MGAT5: variants seen among roughly 807,000 people sequenced by gnomAD.
MGAT5 encodes the protein alpha-1,6-mannosylglycoprotein 6-beta-N-acetylglucosaminyltransferase, also known as alpha-1,6-mannosylglycoprotein 6-beta-N-acetylglucosaminyltransferase A.
MGAT5 carries 30 observed loss-of-function variants against 94.3 expected under a neutral mutation model. That is an observed-to-expected ratio of 0.32 (90% confidence interval 0.24 to 0.43). MGAT5 has a LOEUF of 0.43. Ranked by LOEUF, MGAT5 falls within the 20% of genes least tolerant of loss-of-function variation. The pLI, the probability that MGAT5 is intolerant of heterozygous loss-of-function variation, is 1.00. For missense variants in MGAT5, 691 were observed against 905.5 expected (o/e 0.76, Z 3.04); for synonymous variants, 310 against 322.9 (o/e 0.96, Z 0.43).
chr2:134,380,589 G>T (rs551475721), intron 10 of MGAT5, among the ~76,000 whole-genome samples: 6 of 152,320 alleles, frequency 3.9e-5, no homozygotes, highest in South Asian at 2.1e-4. Context: ...TACCCGGCAG[G>T]TTCACTGTGA....
intron 13 of MGAT5, among the ~76,000 whole-genome samples, chr2:134,424,048 C>T (rs1372764156): frequency 6.6e-6 from 1 of 152,164 alleles, no homozygotes; most frequent in Non-Finnish European, 1.5e-5. Context: ...TGCAAACGCT[C>T]CAGGAGCGGA....
chr2:134,246,167 T>TA (rs11378452), intron 1 of MGAT5, among the ~76,000 whole-genome samples: 38,704 of 130,460 alleles, frequency 0.3, 8,208 homozygotes, highest in African/African-American at 0.59. Flanking sequence ...TTCCTGTTTA[T>TA]AAAAAAAAAA....
In MGAT5 at chr2:134,254,570, G is replaced by T. The variant is rs758987140; in HGVS notation, c.167G>T (p.Arg56Met). 2 of 1,614,084 alleles carry T rather than the reference G, an allele frequency of 1.2e-6. No homozygotes were observed. The highest frequency in any genetic ancestry group is 2.7e-5 in the African/African-American group (2 of 74,930). Residue 56 changes from arginine (R) to methionine (M), a missense_variant, in exon 1 of 16, where the codon AGG becomes ATG. Arg to Met is a moderately conservative substitution (Grantham distance 91, BLOSUM62 -1). Around this residue, in one of 4 missense-constraint regions of MGAT5, gnomAD observed 307 missense variants for 335.4 expected, o/e 0.92. Coordinates refer to ENST00000281923, the MANE Select transcript of MGAT5 (RefSeq NM_002410.5). ...LREQILDLSK[R>M]YIKALAEENR... ...GAGCAGATCCTGGACCTCAGCAAAA[G>T]GTACATCAAGGCACTGGCAGAAGAA...
At chr2:134,202,171 C>T (rs1264155304) in intron 1 of MGAT5, among the ~76,000 whole-genome samples, 1 of 152,178 alleles carries the variant, frequency 6.6e-6, no homozygotes, top group Non-Finnish European at 1.5e-5. Context: ...TGTTCAGCTT[C>T]TCTGTCTTTT....
intron 15 of MGAT5, among the ~76,000 whole-genome samples, chr2:134,445,279 G>A (rs1685707474): frequency 6.6e-6 from 1 of 152,090 alleles, no homozygotes; most frequent in Admixed American, 6.5e-5. Context: ...CAGGGACTCT[G>A]GCAAGACCCT....
intron 11 of MGAT5, among the ~76,000 whole-genome samples, chr2:134,405,263 A>G (rs1432239848): frequency 1.3e-5 from 2 of 152,250 alleles, no homozygotes; most frequent in African/African-American, 4.8e-5. Context: ...GTTAAAGAGC[A>G]CGAGGGGTGT....
chr2:134,225,315 C>T (rs939924061), intron 1 of MGAT5, among the ~76,000 whole-genome samples: 1 of 152,098 alleles, frequency 6.6e-6, no homozygotes, highest in Non-Finnish European at 1.5e-5. Context: ...GTTAGAAATG[C>T]AGTCTCCTTA....
At chr2:134,203,588 G>A (rs960895767) in intron 1 of MGAT5, among the ~76,000 whole-genome samples, 6 of 152,072 alleles carry the variant, frequency 3.9e-5, no homozygotes, top group Non-Finnish European at 8.8e-5. Context: ...AGGCTGAATG[G>A]AAGAGAGGAC....
chr2:134,354,565 A>G (rs1250302024), intron 9 of MGAT5, among the ~76,000 whole-genome samples: 1 of 152,074 alleles, frequency 6.6e-6, no homozygotes, highest in African/African-American at 2.4e-5. Flanking sequence ...CTCGTTTCCT[A>G]AGTTGGTGGG....
In MGAT5 at chr2:134,433,057, A is replaced by G. The variant is rs561504012; in HGVS notation, c.1869+4618A>G. The stretch of plus-strand genomic sequence containing the variant: ...GTTTTGCAGCATTTCCGTCACCCCA[A>G]AAAACTCATTTGTCCCTGTTAGCAA... On this transcript the variant is annotated intron_variant, in intron 14 of 15. Transcript: ENST00000281923. Among the ~76,000 whole-genome samples the G allele has an allele frequency of 1.1e-4, 17 of 152,284 alleles. 1 individual carries two copies. In the South Asian group the frequency reaches 1.5e-3, roughly 13 times the overall value.
chr2:134,139,229 T>G (rs1424759025), intron 1 of MGAT5, among the ~76,000 whole-genome samples: 1 of 152,238 alleles, frequency 6.6e-6, no homozygotes, highest in Non-Finnish European at 1.5e-5. Context: ...TGGGTCTGCT[T>G]TAGCATTTAT....
upstream of MGAT5, among the ~76,000 whole-genome samples, chr2:134,251,003 T>G (rs1682555327): frequency 6.6e-6 from 1 of 152,140 alleles, no homozygotes; most frequent in Non-Finnish European, 1.5e-5. Flanking sequence ...GCCTATTCAG[T>G]AGGGTTAATT....
intron 11 of MGAT5, among the ~76,000 whole-genome samples, chr2:134,412,083 C>T (rs1004660740): frequency 8.5e-5 from 13 of 152,092 alleles, no homozygotes; most frequent in African/African-American, 3.1e-4. Context: ...ATTTTTGGAC[C>T]CAGGAAATCA....
intron 10 of MGAT5, among the ~76,000 whole-genome samples, chr2:134,387,400 C>A (rs1281989932): frequency 2.2e-4 from 26 of 118,220 alleles, no homozygotes; most frequent in Non-Finnish European, 3.9e-4. Flanking sequence ...TGGTTAAGAA[C>A]TGTGTTCCAA....
At chr2:134,398,744 T>A (rs1175727912) in intron 10 of MGAT5, among the ~76,000 whole-genome samples, 4 of 151,900 alleles carry the variant, frequency 2.6e-5, no homozygotes, top group African/African-American at 9.7e-5. Flanking sequence ...TTCGGCCATT[T>A]AAAAAAATGG....
chr2:134,324,469 T>A (rs900565163), intron 4 of MGAT5, among the ~76,000 whole-genome samples: 1 of 152,176 alleles, frequency 6.6e-6, no homozygotes, highest in South Asian at 2.1e-4. Flanking sequence ...TGGCTGAGCA[T>A]GTAATTAACC....
intron 1 of MGAT5, among the ~76,000 whole-genome samples, chr2:134,266,422 T>C (rs1427649221): frequency 6.6e-6 from 1 of 152,128 alleles, no homozygotes; most frequent in African/African-American, 2.4e-5. Context: ...AGTTTCACCA[T>C]GTTGGTCAGG....
intron 2 of MGAT5, among the ~76,000 whole-genome samples, chr2:134,296,845 A>G (rs1052115655): frequency 3.3e-5 from 5 of 152,200 alleles, no homozygotes; most frequent in South Asian, 2.1e-4. Flanking sequence ...AGTTCATACT[A>G]TGAAATGACA....
At position 134,453,674 on chromosome 2, in the gene MGAT5, A is replaced by C. The variant is rs1280982974; in HGVS notation, c.*4827A>C. On this transcript the variant is annotated 3_prime_UTR_variant, in exon 16 of 16. Coordinates refer to ENST00000281923, the MANE Select transcript of MGAT5 (RefSeq NM_002410.5). ...AGACTCCCAGACTGGTTAGTTCTGC[A>C]TGTTTCCATCAAATTAAAGGTTATT... 6.6e-6 allele frequency: 1 copy of C among 152,096 alleles called. No homozygotes were observed. The highest frequency in any genetic ancestry group is 1.5e-5 in the Non-Finnish European group (1 of 68,010). 9.4% of individuals were successfully genotyped at this position (152,096 alleles called of 1,614,324 possible).
Sources: allele counts gnomAD v4.1 joint callset (sites outside exome capture counted in the v4.1 genomes callset), GRCh38; gene constraint gnomAD v4.1.1; regional missense constraint gnomAD v4.1.1; transcripts MANE v1.5; gene names NCBI Gene and HGNC (gene_info 2026-07-23, HGNC 2026-07-21).